The following ACE variants were observed in gnomAD, a reference collection of about 807,000 sequenced individuals.
ACE encodes the protein angiotensin I converting enzyme, also known as angiotensin-converting enzyme.
A neutral mutation model predicts 162.3 loss-of-function variants in ACE; 122 were observed. That is an observed-to-expected ratio of 0.75 (90% CI 0.65 to 0.87). The LOEUF (loss-of-function observed/expected upper bound fraction) is 0.87, where lower values mean the gene tolerates loss of function less well. Ranked by LOEUF, ACE falls within the 40% of genes least tolerant of loss-of-function variation. The pLI is 0.00. For synonymous variants in ACE, 796 were observed against 720.6 expected (o/e 1.10, Z -1.68); for missense variants, 1,799 against 1,735.1 (o/e 1.04, Z -0.65).
intron 1 of ACE, 110 bp downstream of exon 1, chr17:63,477,453 C>G (rs1192269014): frequency 2.3e-6 from 2 of 884,082 alleles, no homozygotes; most frequent in East Asian, 6.0e-5. Context: ...AACCCCACCC[C>G]GACCCCGGAC....
At position 63,497,672 on chromosome 17, in the gene ACE, C is replaced by A; in HGVS notation, c.*306C>A. ...GCCAGGGACAGGGACAGGCTGCTTT[C>A]CTGCCTCCTGGCAGTCAAGTGGGTC... On this transcript the variant is annotated 3_prime_UTR_variant, in exon 25 of 25. Transcript: ENST00000290866. The A allele has an allele frequency of 1.7e-6, 1 of 590,866 alleles. No individual in the cohort carries two copies. The highest frequency in any genetic ancestry group is 1.8e-5 in the South Asian group (1 of 55,574). 36.6% of individuals were successfully genotyped at this position (590,866 alleles called of 1,614,324 possible).
chr17:63,481,000 G>C, intron 5 of ACE, 91 bp from the exon 6 acceptor site: 1 of 1,298,432 alleles, frequency 7.7e-7, no homozygotes, highest in South Asian at 1.2e-5. Flanking sequence ...CCAGGGTACA[G>C]GTGCCGGCCC....
chr17:63,478,566 G>A (rs1019637597), intron 2 of ACE: 23 of 319,212 alleles, frequency 7.2e-5, no homozygotes, highest in African/African-American at 4.9e-4. Context: ...TTGAAACTGA[G>A]GGGGAAGGAT....
At position 63,497,211 on chromosome 17, in the gene ACE, C is replaced by A. The variant is rs763049172; in HGVS notation, c.3766C>A (p.Arg1256Ser). Residue 1256 changes from arginine to serine, a missense_variant, in exon 25 of 25, where the codon CGC (arginine) becomes AGC (serine). Arg to Ser is a moderately radical substitution (Grantham distance 110, BLOSUM62 -1). Transcript: ENST00000290866. Reference sequence around the variant, plus strand: ...CCTGGACCTGGATGCGCAGCAGGCCCGCGTGGGCCAGTGGCTGCTGCTCTT... The same window carrying A: ...CCTGGACCTGGATGCGCAGCAGGCCAGCGTGGGCCAGTGGCTGCTGCTCTT... Reference protein sequence around the residue: ...LGLDLDAQQARVGQWLLLFLG... With the variant: ...LGLDLDAQQASVGQWLLLFLG... The A allele has an allele frequency of 6.3e-7, 1 of 1,598,778 alleles. No homozygotes were observed. Among genetic ancestry groups the A allele is most frequent in the Non-Finnish European group, 8.5e-7 (1 of 1,176,950 alleles).
Position 63,497,856 on chromosome 17 carries a change from T to C in ACE, c.*490T>C, listed in dbSNP as rs1371095530. 1.3e-5 allele frequency: 4 copies of C among 310,252 alleles called. No homozygotes were observed. The highest frequency in any genetic ancestry group is 1.3e-5 in the Non-Finnish European group (2 of 159,304). The allele number at this position is 310,252 out of a possible 1,614,324, so 19.2% of individuals were successfully genotyped here. On this transcript the variant is annotated 3_prime_UTR_variant, in exon 25 of 25. Coordinates refer to ENST00000290866, the MANE Select transcript of ACE (RefSeq NM_000789.4). ...GGCAGCCCCTGTCTGGCCCAAGCAC[T>C]GACCCACGCGGACTCTGGGAAGCAG...
intron 2 of ACE, 116 bp downstream of exon 2, chr17:63,478,214 C>A: frequency 1.5e-6 from 2 of 1,350,994 alleles, no homozygotes; most frequent in Non-Finnish European, 1.0e-6. Flanking sequence ...TGGGCCCTGA[C>A]AGAAGGGAAA....
At chr17:63,478,948 G>A in intron 2 of ACE, 59 bp from the exon 3 acceptor site, 1 of 1,438,962 alleles carries the variant, frequency 6.9e-7, no homozygotes. Context: ...TAGCAGCGAG[G>A]GGAGGGCAGA....
chr17:63,482,738 C>G, intron 8 of ACE, 49 bp downstream of exon 8: 2 of 1,569,630 alleles, frequency 1.3e-6, no homozygotes, highest in Non-Finnish European at 1.7e-6. Context: ...AAACCCCGCT[C>G]CACCCCACAG....
chr17:63,484,909 C>T lies in ACE; in HGVS notation c.1922-327C>T. On this transcript the variant is annotated intron_variant, in intron 12 of 24. Transcript: ENST00000290866. The surrounding 1 kb of genome is among the most constrained non-coding windows in gnomAD (Gnocchi z 4.0). Reference sequence around the variant, plus strand: ...CTACTGCAGGACTTCCCAGCCTCCTCTTCCTGCTGCTCTGCTACGGGCACC... The same window carrying T: ...CTACTGCAGGACTTCCCAGCCTCCTTTTCCTGCTGCTCTGCTACGGGCACC... 6.3e-7 allele frequency: 1 copy of T among 1,593,550 alleles called. No homozygotes were observed. Among genetic ancestry groups the T allele is most frequent in the Non-Finnish European group, 8.5e-7 (1 of 1,170,034 alleles).
At chr17:63,495,353 A>C (rs1274862536) in intron 22 of ACE, among the ~76,000 whole-genome samples, 1 of 152,182 alleles carries the variant, frequency 6.6e-6, no homozygotes, top group African/African-American at 2.4e-5. Context: ...CCCGGGCTAC[A>C]GGTAGCCCAG....
intron 20 of ACE, 93 bp from the exon 21 acceptor site, chr17:63,493,829 G>A: frequency 1.3e-6 from 2 of 1,592,466 alleles, no homozygotes; most frequent in Non-Finnish European, 1.7e-6. Context: ...GGGCCCAAAA[G>A]GTACAGCACC....
chr17:63,483,311 T>A (rs2049744699), intron 9 of ACE, 138 bp downstream of exon 9: 2 of 1,523,084 alleles, frequency 1.3e-6, no homozygotes, highest in Non-Finnish European at 1.8e-6. Context: ...GCCTTCTCCT[T>A]TCCTGCCTGA....
Position 63,496,925 on chromosome 17 carries a change from G to A in ACE, c.3631G>A (p.Glu1211Lys), listed in dbSNP as rs766053859. The A allele has an allele frequency of 4.3e-6, 7 of 1,613,510 alleles. No homozygotes were observed. Among genetic ancestry groups the A allele is most frequent in the Middle Eastern group, 1.7e-4 (1 of 5,818 alleles). ...FKPLLDWLRT[E>K]NELHGEKLGW... The stretch of plus-strand genomic sequence containing the variant: ...GCCGCTGCTGGACTGGCTCCGCACG[G>A]AGAACGAGCTGCATGGGGAGAAGCT... Residue 1211 changes from glutamate to lysine, a missense_variant, in exon 24 of 25, where the codon GAG becomes AAG. Physicochemically the swap from Glu to Lys is moderately conservative, Grantham distance 56. Transcript: ENST00000290866.
At chr17:63,487,178 G>T (rs2030012678) in intron 15 of ACE, 105 bp downstream of exon 15, 8 of 956,168 alleles carry the variant, frequency 8.4e-6, no homozygotes, top group Non-Finnish European at 1.2e-5. Context: ...CGCTCTTGGG[G>T]TCAGCGTGCC....
intron 17 of ACE, chr17:63,490,686 G>A (rs2030310405): frequency 5.9e-6 from 3 of 505,600 alleles, no homozygotes; most frequent in Admixed American, 3.1e-5. Flanking sequence ...TAGTCACATT[G>A]GTCTCCACTG....
At position 63,480,364 on chromosome 17, in the gene ACE, G is replaced by A. The variant is rs1455284992; in HGVS notation, c.683G>A (p.Arg228His). Reference sequence around the variant, plus strand: ...TTCACAGACACGGGGGCCTACTGGCGCTCCTGGTACAACTCCCCCACCTTC... The same window carrying A: ...TTCACAGACACGGGGGCCTACTGGCACTCCTGGTACAACTCCCCCACCTTC... Reference protein sequence around the residue: ...DGFTDTGAYWRSWYNSPTFED... With the variant: ...DGFTDTGAYWHSWYNSPTFED... Residue 228 changes from arginine (R) to histidine (H), a missense_variant, in exon 5 of 25, where the codon CGC becomes CAC. By Grantham distance (29) the Arg-to-His change is conservative. Transcript: ENST00000290866. 1.7e-5 allele frequency: 27 copies of A among 1,613,866 alleles called. No homozygotes were observed. Among genetic ancestry groups the A allele is most frequent in the East Asian group, 4.5e-5 (2 of 44,892 alleles).
intron 8 of ACE, 69 bp downstream of exon 8, chr17:63,482,758 A>G: frequency 6.7e-7 from 1 of 1,494,564 alleles, no homozygotes. Flanking sequence ...GCAGGACCTC[A>G]CTTGCCCCAC....
At chr17:63,489,179 TGTGA>T in intron 17 of ACE, 47 bp downstream of exon 17, 2 of 1,591,830 alleles carry the variant, frequency 1.3e-6, no homozygotes, top group Admixed American at 1.7e-5. Flanking sequence ...CGGACCACAG[TGTGA>T]GTGAGGGTTG....
At position 63,494,445 on chromosome 17, in the gene ACE, A is replaced by G; in HGVS notation, c.3355A>G (p.Ile1119Val). ...CTTTGACCCAGGGGCCAAGTTCCAC[A>G]TTCCTTCTAGCGTGCCTTACATCAG... Reference protein sequence around the residue: ...GDFDPGAKFHIPSSVPYIRYF... With the variant: ...GDFDPGAKFHVPSSVPYIRYF... The change falls in exon 22 of 25, where the codon ATT becomes GTT. Residue 1119 changes from isoleucine to valine, a missense_variant. By Grantham distance (29) the Ile-to-Val change is conservative. Coordinates refer to ENST00000290866, the MANE Select transcript of ACE (RefSeq NM_000789.4). 6.2e-7 allele frequency: 1 copy of G among 1,614,088 alleles called. No homozygotes were observed. The highest frequency in any genetic ancestry group is 2.2e-5 in the East Asian group (1 of 44,882).
Sources: allele counts gnomAD v4.1 joint callset (sites outside exome capture counted in the v4.1 genomes callset), GRCh38; gene constraint gnomAD v4.1.1; non-coding constraint Gnocchi (gnomAD v3.1); transcripts MANE v1.5; gene names NCBI Gene and HGNC (gene_info 2026-07-23, HGNC 2026-07-21).